The following NLGN1 variants were observed in gnomAD, a reference collection of about 807,000 sequenced individuals.
NLGN1 encodes the protein neuroligin 1, also known as neuroligin-1.
NLGN1 carries 12 observed loss-of-function variants against 65.5 expected under a neutral mutation model. That is an observed-to-expected ratio of 0.18 (90% CI 0.12 to 0.30). The LOEUF (loss-of-function observed/expected upper bound fraction) is 0.30. NLGN1 is among the 10% of genes least tolerant of loss of function. NLGN1 has a pLI of 1.00. For missense variants in NLGN1, 750 were observed against 1,007.1 expected (o/e 0.74, Z 3.46); for synonymous variants, 350 against 359.5 (o/e 0.97, Z 0.30).
intron 4 of NLGN1, among the ~76,000 whole-genome samples, chr3:174,269,296 C>CAACA (rs1390396142): frequency 2.0e-5 from 3 of 151,912 alleles, no homozygotes; most frequent in Non-Finnish European, 4.4e-5. Context: ...CTTTTTCATA[C>CAACA]AACACTGAAA....
At chr3:173,607,484 A>G (rs986959496) in intron 3 of NLGN1, among the ~76,000 whole-genome samples, 5 of 151,686 alleles carry the variant, frequency 3.3e-5, no homozygotes, top group Non-Finnish European at 7.4e-5. Context: ...TAAATAACAA[A>G]AATTTTTGAT....
chr3:174,000,905 G>T (rs1723151891), intron 4 of NLGN1, among the ~76,000 whole-genome samples: 1 of 152,236 alleles, frequency 6.6e-6, no homozygotes, highest in South Asian at 2.1e-4. Context: ...GTGGACACTG[G>T]TCTTCTCCTG....
chr3:173,603,834 A>G (rs1750953224), intron 2 of NLGN1, among the ~76,000 whole-genome samples: 1 of 152,058 alleles, frequency 6.6e-6, no homozygotes, highest in African/African-American at 2.4e-5. Flanking sequence ...TTTCCAATGC[A>G]TACAATCATT....
intron 3 of NLGN1, among the ~76,000 whole-genome samples, chr3:173,666,066 A>C (rs1366814209): frequency 6.6e-6 from 1 of 152,162 alleles, no homozygotes; most frequent in Admixed American, 6.6e-5. Context: ...TATGTGATTG[A>C]GGATATAAAT....
In NLGN1 at chr3:174,214,692, C is replaced by G. The variant is rs56849242; in HGVS notation, c.647-60623C>G. Among the ~76,000 whole-genome samples, 455 of 152,088 alleles carry G rather than the reference C, an allele frequency of 3.0e-3. 1 individual carries two copies. The highest frequency in any genetic ancestry group is 9.5e-3 in the African/African-American group (393 of 41,478). ...ATTCTCCATATTATAGTATAGAAAG[C>G]TGAAAATAAAAGTGGCTTTTAAAAT... is the stretch of plus-strand genomic sequence containing the variant. On this transcript the variant is annotated intron_variant, in intron 4 of 6. Transcript: ENST00000457714.
intron 4 of NLGN1, among the ~76,000 whole-genome samples, chr3:174,131,561 A>C (rs1020363650): frequency 3.3e-5 from 5 of 152,192 alleles, no homozygotes; most frequent in African/African-American, 9.7e-5. Context: ...AATAATAAGT[A>C]AGTCACCCAT....
intron 4 of NLGN1, among the ~76,000 whole-genome samples, chr3:174,065,657 G>A (rs1355689020): frequency 6.6e-6 from 1 of 151,750 alleles, no homozygotes; most frequent in African/African-American, 2.4e-5. Flanking sequence ...CTACTTACTT[G>A]CTTCTAGTGA....
At chr3:173,943,657 G>A (rs1579327030) in intron 4 of NLGN1, among the ~76,000 whole-genome samples, 1 of 152,258 alleles carries the variant, frequency 6.6e-6, no homozygotes, top group East Asian at 1.9e-4. Context: ...TTGGTTCGTG[G>A]GAGGAGGGGT....
chr3:173,635,713 C>A (rs900069805), intron 3 of NLGN1, among the ~76,000 whole-genome samples: 2 of 152,006 alleles, frequency 1.3e-5, no homozygotes, highest in African/African-American at 4.8e-5. Flanking sequence ...TTTCTCATTA[C>A]TGTTATTAAT....
rs374479502 is a variant in NLGN1 at position 173,933,892 on chromosome 3, ATC to A, written c.646+126062_646+126063del. On this transcript the variant is annotated intron_variant, in intron 4 of 6. Coordinates refer to ENST00000457714, the Ensembl canonical transcript of NLGN1. ...GTTTGGGTAATTTTTTTCTTAAGAT[ATC>A]TGTCAGATCACAGTCCTTTGTATTA... Among the ~76,000 whole-genome samples the A allele has an allele frequency of 2.9e-3, 437 of 152,164 alleles. 2 individuals carry two copies. The highest frequency in any genetic ancestry group is 9.9e-3 in the African/African-American group (410 of 41,552).
intron 4 of NLGN1, among the ~76,000 whole-genome samples, chr3:174,216,336 C>T (rs1243781422): frequency 2.0e-5 from 3 of 152,098 alleles, no homozygotes; most frequent in African/African-American, 2.4e-5. Context: ...AAAGAACCCA[C>T]GAAATTACAA....
intron 2 of NLGN1, among the ~76,000 whole-genome samples, chr3:173,577,692 T>C (rs1216885687): frequency 1.3e-5 from 2 of 152,174 alleles, no homozygotes; most frequent in African/African-American, 4.8e-5. Flanking sequence ...TGTTTCTAGG[T>C]CATCAGAAAT....
intron 3 of NLGN1, among the ~76,000 whole-genome samples, chr3:173,755,427 T>C (rs1317871403): frequency 6.6e-6 from 1 of 152,126 alleles, no homozygotes; most frequent in East Asian, 1.9e-4. Context: ...AATATCTATA[T>C]TTTTTAAAGG....
At chr3:174,202,038 TTCTCCTTTTA>T (rs1409691144) in intron 4 of NLGN1, among the ~76,000 whole-genome samples, 1 of 152,182 alleles carries the variant, frequency 6.6e-6, no homozygotes, top group East Asian at 1.9e-4. Flanking sequence ...CTTTCCTTTT[TTCTCCTTTTA>T]TGCTCTCAAT....
chr3:173,530,121 ATTTTTGTAT>A (rs1736321565), intron 2 of NLGN1, among the ~76,000 whole-genome samples: 3 of 151,964 alleles, frequency 2.0e-5, no homozygotes, highest in Non-Finnish European at 1.5e-5. Context: ...TGCCTGGCTA[ATTTTTGTAT>A]TTTTAGTAGA....
intron 3 of NLGN1, among the ~76,000 whole-genome samples, chr3:173,657,391 T>C (rs1484501668): frequency 6.6e-6 from 1 of 152,030 alleles, no homozygotes; most frequent in Non-Finnish European, 1.5e-5. Context: ...CTTTCTTAGC[T>C]AAGGATTTGC....
At chr3:173,501,102 T>G (rs1457556481) in intron 2 of NLGN1, among the ~76,000 whole-genome samples, 1 of 152,110 alleles carries the variant, frequency 6.6e-6, no homozygotes, top group Non-Finnish European at 1.5e-5. Flanking sequence ...ATTTATTTAT[T>G]TTGTTAATTT....
chr3:174,246,991 C>T (rs993098690), intron 4 of NLGN1, among the ~76,000 whole-genome samples: 1 of 152,132 alleles, frequency 6.6e-6, no homozygotes, highest in African/African-American at 2.4e-5. Flanking sequence ...TGTAGACATA[C>T]AGAGCAAAAC....
intron 4 of NLGN1, among the ~76,000 whole-genome samples, chr3:174,242,065 G>A (rs1742980710): frequency 6.6e-6 from 1 of 152,158 alleles, no homozygotes; most frequent in South Asian, 2.1e-4. Flanking sequence ...TAACGGTTTT[G>A]AGCATGGACT....
Sources: allele counts gnomAD v4.1 joint callset (sites outside exome capture counted in the v4.1 genomes callset), GRCh38; gene constraint gnomAD v4.1.1; transcripts MANE v1.5; gene names NCBI Gene and HGNC (gene_info 2026-07-23, HGNC 2026-07-21).